The following RALYL variants were observed in gnomAD, a reference collection of about 807,000 sequenced individuals.
RALYL encodes the protein RALY RNA binding protein like, also known as RNA-binding Raly-like protein.
In RALYL, 29 loss-of-function variants were observed where a neutral mutation model predicts 35.1. That is an observed-to-expected ratio of 0.83 (90% CI 0.61 to 1.13). The LOEUF (loss-of-function observed/expected upper bound fraction) is 1.13. Ranked by LOEUF, RALYL falls within the 50% of genes most tolerant of loss-of-function variation. The pLI is 0.00. For synonymous variants in RALYL, 120 were observed against 127.6 expected (o/e 0.94, Z 0.40); for missense variants, 359 against 360.4 (o/e 1.00, Z 0.03).
At position 84,617,121 on chromosome 8, in the gene RALYL, C is replaced by A. The variant is rs1270967636; in HGVS notation, c.256+87544C>A. 2.7e-5 allele frequency among the ~76,000 whole-genome samples: 4 copies of A among 150,356 alleles called. 1 individual carries two copies. The highest frequency in any genetic ancestry group is 1.3e-4 in the Admixed American group (2 of 15,196). On this transcript the variant is annotated intron_variant, in intron 2 of 8. Coordinates refer to ENST00000521268, the MANE Select transcript of RALYL (RefSeq NM_173848.7). Reference sequence around the variant, plus strand: ...AACTTTAAAGTAGTTTTTTCCAATTCTGTGAAGAAAGTCATTGGTAGCTTG... The same window carrying A: ...AACTTTAAAGTAGTTTTTTCCAATTATGTGAAGAAAGTCATTGGTAGCTTG...
intron 2 of RALYL, among the ~76,000 whole-genome samples, chr8:84,596,994 GAA>G (rs1467214108): frequency 6.6e-6 from 1 of 152,040 alleles, no homozygotes; most frequent in Non-Finnish European, 1.5e-5. Context: ...ATAGTTGATA[GAA>G]AACAAGAGGC....
At chr8:84,217,374 C>T (rs547625028) in intron 1 of RALYL, among the ~76,000 whole-genome samples, 17 of 151,908 alleles carry the variant, frequency 1.1e-4, no homozygotes, top group Non-Finnish European at 1.9e-4. Flanking sequence ...ATTTTGTAAA[C>T]ATATATTAAA....
intron 1 of RALYL, among the ~76,000 whole-genome samples, chr8:84,412,474 T>G (rs2044204267): frequency 6.6e-6 from 1 of 151,912 alleles, no homozygotes; most frequent in East Asian, 1.9e-4. Context: ...GCAGGACATT[T>G]TTTGGTCTGA....
chr8:84,221,917 T>A (rs185634385), intron 1 of RALYL, among the ~76,000 whole-genome samples: 5 of 152,250 alleles, frequency 3.3e-5, no homozygotes, highest in African/African-American at 1.2e-4. Context: ...TTGCTGTGTT[T>A]TATGCATAAT....
intron 1 of RALYL, among the ~76,000 whole-genome samples, chr8:84,515,283 C>A (rs2057967618): frequency 1.3e-5 from 2 of 152,074 alleles, no homozygotes; most frequent in Admixed American, 1.3e-4. Context: ...GAATCACTCC[C>A]TGTCTAATTT....
chr8:84,778,122 G>T (rs764586369), intron 3 of RALYL, among the ~76,000 whole-genome samples: 3 of 152,122 alleles, frequency 2.0e-5, no homozygotes, highest in Non-Finnish European at 2.9e-5. Flanking sequence ...AGAGCATAAC[G>T]TAATGAAAGT....
At chr8:84,603,928 T>TTTG (rs1816542480) in intron 2 of RALYL, among the ~76,000 whole-genome samples, 1 of 151,772 alleles carries the variant, frequency 6.6e-6, no homozygotes. Context: ...ATCAGGTTTT[T>TTTG]TTTGTTTGTT....
intron 2 of RALYL, among the ~76,000 whole-genome samples, chr8:84,585,093 A>G (rs759555443): frequency 6.6e-6 from 1 of 152,186 alleles, no homozygotes; most frequent in Non-Finnish European, 1.5e-5. Flanking sequence ...TTCTCCCAGC[A>G]TATGTGCTTG....
intron 5 of RALYL, among the ~76,000 whole-genome samples, chr8:84,851,996 A>T (rs989264997): frequency 1.3e-5 from 2 of 152,154 alleles, no homozygotes; most frequent in African/African-American, 4.8e-5. Context: ...TAAACCTCAC[A>T]CATAGTGGAT....
rs374944948 is a variant in RALYL, at chr8:84,432,817, T to TAA, written c.-23-96476_-23-96475dup. ...AAGATGACCAGCCTCCTCCAGAAGC[T>TAA]AAAAAAAGGCAAGAAAGGTTCCTAC... On this transcript the variant is annotated intron_variant, in intron 1 of 8. Coordinates refer to ENST00000521268, the MANE Select transcript of RALYL (RefSeq NM_173848.7). Among the ~76,000 whole-genome samples the TAA allele has an allele frequency of 1.5e-3, 224 of 151,946 alleles. 2 individuals carry two copies. The highest frequency in any genetic ancestry group is 4.4e-3 in the African/African-American group (183 of 41,456).
intron 2 of RALYL, among the ~76,000 whole-genome samples, chr8:84,759,160 A>G (rs953897393): frequency 1.3e-5 from 2 of 152,254 alleles, no homozygotes; most frequent in East Asian, 3.9e-4. Context: ...TTACATGTGA[A>G]TGTACCCAGA....
intron 1 of RALYL, among the ~76,000 whole-genome samples, chr8:84,367,342 T>G (rs1479979383): frequency 2.1e-4 from 18 of 87,662 alleles, no homozygotes; most frequent in African/African-American, 6.5e-4. Context: ...TTTTTTTTTT[T>G]TTTTTTTTTT....
At chr8:84,801,482 T>C (rs1411126145) in intron 3 of RALYL, among the ~76,000 whole-genome samples, 1 of 152,094 alleles carries the variant, frequency 6.6e-6, no homozygotes, top group East Asian at 1.9e-4. Context: ...TTGAATAACA[T>C]TGTTCAGAGG....
At chr8:84,302,373 C>T (rs907513579) in intron 1 of RALYL, among the ~76,000 whole-genome samples, 11 of 152,180 alleles carry the variant, frequency 7.2e-5, no homozygotes, top group African/African-American at 2.2e-4. Context: ...ACAGGATACT[C>T]GCTAAACATT....
At chr8:84,196,190 TC>T (rs1309820927) in intron 1 of RALYL, among the ~76,000 whole-genome samples, 1 of 152,236 alleles carries the variant, frequency 6.6e-6, no homozygotes, top group Non-Finnish European at 1.5e-5. Flanking sequence ...ATGTATGCAA[TC>T]TTTTTATTTC....
At chr8:84,206,851 C>T (rs1054894263) in intron 1 of RALYL, among the ~76,000 whole-genome samples, 15 of 152,188 alleles carry the variant, frequency 9.9e-5, no homozygotes, top group Admixed American at 3.9e-4. Flanking sequence ...TTATCATGCA[C>T]CAAAGCCCCA....
chr8:84,814,377 T>TATCA (rs1826675441), intron 4 of RALYL, among the ~76,000 whole-genome samples: 2 of 152,224 alleles, frequency 1.3e-5, no homozygotes, highest in African/African-American at 4.8e-5. Flanking sequence ...TGAAATGAGT[T>TATCA]ATCAAGCAAT....
intron 8 of RALYL, among the ~76,000 whole-genome samples, chr8:84,906,761 G>C (rs1437795894): frequency 6.6e-6 from 1 of 151,812 alleles, no homozygotes; most frequent in Non-Finnish European, 1.5e-5. Context: ...GTTGCAAAGA[G>C]GCATCCTCTA....
chr8:84,604,866 A>C (rs921178959), intron 2 of RALYL, among the ~76,000 whole-genome samples: 2 of 152,148 alleles, frequency 1.3e-5, no homozygotes, highest in African/African-American at 4.8e-5. Flanking sequence ...AGTTGAGTGC[A>C]ACAAATGTAT....
Sources: gnomAD v4.1 joint callset for allele counts (sites outside exome capture counted in the v4.1 genomes callset) on GRCh38, gnomAD v4.1.1 for gene constraint, MANE v1.5 for transcripts, NCBI Gene and HGNC (gene_info 2026-07-23, HGNC 2026-07-21) for gene names.